The following BACE2 variants were observed in gnomAD, a reference collection of about 807,000 sequenced individuals.
BACE2 encodes beta-secretase 2, also known as 56 kDa aspartic-like protease.
A neutral mutation model predicts 46.2 loss-of-function variants in BACE2; 17 were observed. The ratio of observed to expected loss-of-function variants is 0.37; its 90% CI spans 0.25 to 0.55. BACE2 has a LOEUF of 0.55. BACE2 is among the 20% of genes least tolerant of loss of function. The pLI is 0.82. For missense variants in BACE2, 595 were observed against 698.1 expected (o/e 0.85, Z 1.66); for synonymous variants, 277 against 295.9 (o/e 0.94, Z 0.66).
chr21:41,250,979 T>C, intron 7 of BACE2, 78 bp downstream of exon 7: 1 of 1,331,214 alleles, frequency 7.5e-7, no homozygotes, highest in South Asian at 1.3e-5. Flanking sequence ...GTGTATTAGA[T>C]GTCACACCTG....
At chr21:41,187,500 G>A (rs762091510) in intron 1 of BACE2, among the ~76,000 whole-genome samples, 13 of 152,226 alleles carry the variant, frequency 8.5e-5, no homozygotes, top group Non-Finnish European at 1.6e-4. Context: ...ACCACTGCAC[G>A]TATTTGAGAG....
intron 8 of BACE2, among the ~76,000 whole-genome samples, chr21:41,263,638 T>C (rs1987995549): frequency 6.6e-6 from 1 of 152,222 alleles, no homozygotes; most frequent in Admixed American, 6.5e-5. Flanking sequence ...CTTAGTGTTT[T>C]GAAGATTCAG....
chr21:41,260,518 G>A (rs1001698691), intron 8 of BACE2, among the ~76,000 whole-genome samples: 36 of 152,338 alleles, frequency 2.4e-4, no homozygotes, highest in Admixed American at 5.9e-4. Flanking sequence ...CATTGCTCAT[G>A]AGGCTGCAGC....
intron 1 of BACE2, among the ~76,000 whole-genome samples, chr21:41,210,165 T>C (rs1021767842): frequency 6.6e-6 from 1 of 152,064 alleles, no homozygotes. Context: ...AACTTCAACC[T>C]CCACAGTTGG....
chr21:41,241,589 A>C (rs879492032), intron 3 of BACE2, among the ~76,000 whole-genome samples: 3 of 152,148 alleles, frequency 2.0e-5, no homozygotes, highest in Non-Finnish European at 4.4e-5. Flanking sequence ...CAGAAATATG[A>C]TCTTATTTGT....
chr21:41,205,796 A>T (rs1013556662), intron 1 of BACE2, among the ~76,000 whole-genome samples: 1 of 152,210 alleles, frequency 6.6e-6, no homozygotes, highest in African/African-American at 2.4e-5. Flanking sequence ...TATGAAAGAG[A>T]AGCCTGGTCT....
chr21:41,238,954 T>TAAAAAAAAAAAAA (rs34474586), intron 3 of BACE2, among the ~76,000 whole-genome samples: 1 of 85,656 alleles, frequency 1.2e-5, no homozygotes, highest in Non-Finnish European at 2.2e-5. Flanking sequence ...AAAGTATAAT[T>TAAAAAAAAAAAAA]AAAAAAAAAA....
chr21:41,261,674 A>G (rs1987940170), intron 8 of BACE2, among the ~76,000 whole-genome samples: 1 of 152,038 alleles, frequency 6.6e-6, no homozygotes, highest in African/African-American at 2.4e-5. Context: ...TTTTTCTTCT[A>G]AAGATACTGT....
At chr21:41,199,060 C>T (rs993784236) in intron 1 of BACE2, among the ~76,000 whole-genome samples, 17 of 136,642 alleles carry the variant, frequency 1.2e-4, no homozygotes, top group Non-Finnish European at 1.8e-4. Context: ...TGTGATGTTC[C>T]CCTTCCTGTG....
At chr21:41,265,871 A>G (rs1281813029) in intron 8 of BACE2, among the ~76,000 whole-genome samples, 1 of 152,194 alleles carries the variant, frequency 6.6e-6, no homozygotes, top group Non-Finnish European at 1.5e-5. Context: ...GGCTTTCCTC[A>G]CTAAAAGTGT....
In BACE2 at chr21:41,246,377, C is replaced by T. The variant is rs1041579440; in HGVS notation, c.984+314C>T. 14 of 168,492 alleles carry T rather than the reference C, an allele frequency of 8.3e-5. No homozygotes were observed. In the East Asian group the frequency reaches 2.0e-3, roughly 25 times the overall value. 10.4% of individuals were successfully genotyped at this position (168,492 alleles called of 1,614,324 possible). A position where few individuals can be genotyped will look rare whatever the true frequency, so the allele number is the denominator to read the frequency against. ...GACTTGGATCTGAATGTGCAATGCC[C>T]TCTAGTATTTCAAATAATAGTTCAG... On this transcript the variant is annotated intron_variant, in intron 6 of 8. Transcript: ENST00000330333.
intron 6 of BACE2, among the ~76,000 whole-genome samples, chr21:41,250,170 TCTAGTGTTACAAGAAG>T (rs1987598171): frequency 6.6e-6 from 1 of 152,092 alleles, no homozygotes; most frequent in South Asian, 2.1e-4. Context: ...ATGGTGGTGT[TCTAGTGTTACAAGAAG>T]AAGCCAGGGA....
chr21:41,224,832 G>T (rs892937274), intron 1 of BACE2, among the ~76,000 whole-genome samples: 3 of 152,196 alleles, frequency 2.0e-5, no homozygotes, highest in African/African-American at 4.8e-5. Flanking sequence ...TTTGGGGGAG[G>T]ATACAGAGCA....
Position 41,275,796 on chromosome 21 carries a change from A to G in BACE2, c.*172A>G, listed in dbSNP as rs2088482289. On this transcript the variant is annotated 3_prime_UTR_variant, in exon 9 of 9. Coordinates refer to ENST00000330333, the MANE Select transcript of BACE2 (RefSeq NM_012105.5). ...ACTGTCTTTTGATTCTTGATTTTCA[A>G]GCTTTCAAATCCTCCCTACTTCCAA... 1.2e-6 allele frequency: 1 copy of G among 806,330 alleles called. No homozygotes were observed. Among genetic ancestry groups the G allele is most frequent in the African/African-American group, 1.7e-5 (1 of 57,570 alleles). 49.9% of individuals were successfully genotyped at this position (806,330 alleles called of 1,614,324 possible). A position where few individuals can be genotyped will look rare whatever the true frequency, so the allele number is the denominator to read the frequency against.
Position 41,280,975 on chromosome 21 carries a change from G to A in BACE2, c.*5351G>A, listed in dbSNP as rs1414402776. The A allele has an allele frequency of 2.0e-5, 3 of 152,272 alleles. No homozygotes were observed. The East Asian group carries it at 5.8e-4, about 29-fold the overall frequency. 9.4% of individuals were successfully genotyped at this position (152,272 alleles called of 1,614,324 possible). On this transcript the variant is annotated 3_prime_UTR_variant, in exon 9 of 9. Coordinates refer to ENST00000330333, the MANE Select transcript of BACE2 (RefSeq NM_012105.5). ...ATTTGAATCCAGCCACGGCAAGAGCGACGTGCGGGTACCTGGTCCCTGATG... is the reference window on the plus strand; with the variant it reads ...ATTTGAATCCAGCCACGGCAAGAGCAACGTGCGGGTACCTGGTCCCTGATG...
chr21:41,249,449 G>A (rs1004876673), intron 6 of BACE2, among the ~76,000 whole-genome samples: 10 of 152,274 alleles, frequency 6.6e-5, no homozygotes, highest in Middle Eastern at 3.4e-3. Context: ...GAACCACATC[G>A]ATGTGCTGCA....
At chr21:41,226,141 C>CTTT in intron 1 of BACE2, 125 bp from the exon 2 acceptor site, 1 of 702,302 alleles carries the variant, frequency 1.4e-6, no homozygotes, top group Non-Finnish European at 2.4e-6. Flanking sequence ...CGTCAGTATA[C>CTTT]TTTTTTTTTG....
At chr21:41,212,809 G>T (rs1986341285) in intron 1 of BACE2, among the ~76,000 whole-genome samples, 1 of 152,196 alleles carries the variant, frequency 6.6e-6, no homozygotes, top group Admixed American at 6.5e-5. Context: ...ATATGGGTAG[G>T]CCACCAGCAA....
chr21:41,174,618 T>A (rs1984739653), intron 1 of BACE2, among the ~76,000 whole-genome samples: 1 of 152,158 alleles, frequency 6.6e-6, no homozygotes, highest in Non-Finnish European at 1.5e-5. Context: ...GAATTCAGGG[T>A]CTACCTGTGC....
Sources: allele counts gnomAD v4.1 joint callset (sites outside exome capture counted in the v4.1 genomes callset), GRCh38; gene constraint gnomAD v4.1.1; transcripts MANE v1.5; gene names NCBI Gene and HGNC (gene_info 2026-07-23, HGNC 2026-07-21).